Variants in EPM2A observed in about 807,000 individuals in gnomAD.
EPM2A encodes EPM2A glucan phosphatase, laforin, also known as laforin.
In EPM2A, 21 loss-of-function variants were observed where a neutral mutation model predicts 26.5. The observed-to-expected ratio is 0.79, with a 90% CI of 0.56 to 1.14. EPM2A has a LOEUF of 1.14. Among genes scored for constraint, EPM2A ranks in the 50% most tolerant of loss-of-function variants. The pLI is 0.00. For missense variants in EPM2A, 458 were observed against 440.8 expected, an observed-to-expected ratio of 1.04 and a Z score of -0.35; for synonymous variants, 217 against 177.6, an observed-to-expected ratio of 1.22 and a Z score of -1.76.
At chr6:145,708,032 T>G (rs111440089) in intron 1 of EPM2A, among the ~76,000 whole-genome samples, 10,162 of 152,224 alleles carry the variant, frequency 0.067, 1,141 homozygotes, top group African/African-American at 0.23. Flanking sequence ...GAACTTCTTG[T>G]GAACTGGAGT....
chr6:145,716,456 CT>C (rs1775627815), intron 1 of EPM2A, among the ~76,000 whole-genome samples: 1 of 152,124 alleles, frequency 6.6e-6, no homozygotes, highest in Non-Finnish European at 1.5e-5. Context: ...AGAAAGTTGT[CT>C]GATGTTTTAT....
chr6:145,436,979 A>G (rs1778997263), intron 4 of EPM2A, among the ~76,000 whole-genome samples: 1 of 152,052 alleles, frequency 6.6e-6, no homozygotes, highest in African/African-American at 2.4e-5. Flanking sequence ...GGGTGTTTTC[A>G]GCTTTTCAGA....
chr6:145,550,627 G>A (rs1276104026), intron 2 of EPM2A, among the ~76,000 whole-genome samples: 2 of 151,874 alleles, frequency 1.3e-5, no homozygotes, highest in Non-Finnish European at 2.9e-5. Context: ...TTACTTATAC[G>A]AAGATTTTCT....
At chr6:145,459,266 G>A (rs1173889004) in intron 4 of EPM2A, among the ~76,000 whole-genome samples, 1 of 152,186 alleles carries the variant, frequency 6.6e-6, no homozygotes, top group East Asian at 1.9e-4. Context: ...AGCCAAGGCT[G>A]AGGCCTAGTT....
chr6:145,437,146 C>T lies in EPM2A; in HGVS notation c.556-53049G>A, dbSNP rs527913628. ...AACTGGATCATGGGGGCATATTTCC[C>T]CCATGCTATTCTCATGATAGTGAGT... On this transcript the variant is annotated intron_variant, in intron 4 of 4. Transcript: ENST00000638717. Among the ~76,000 whole-genome samples the T allele has an allele frequency of 2.6e-5, 4 of 152,094 alleles. No homozygotes were observed. In the South Asian group the frequency reaches 8.3e-4, roughly 32 times the overall value.
intron 2 of EPM2A, among the ~76,000 whole-genome samples, chr6:145,661,374 T>A (rs1413594792): frequency 6.6e-6 from 1 of 152,248 alleles, no homozygotes; most frequent in Non-Finnish European, 1.5e-5. Flanking sequence ...AACAAAATCA[T>A]GCCTCAGCTA....
At chr6:145,444,689 A>G (rs1210482649) in intron 4 of EPM2A, among the ~76,000 whole-genome samples, 1 of 152,124 alleles carries the variant, frequency 6.6e-6, no homozygotes, top group African/African-American at 2.4e-5. Flanking sequence ...TTCCTCAATA[A>G]CAGTTTCTGT....
intron 2 of EPM2A, among the ~76,000 whole-genome samples, chr6:145,541,177 CTGTG>C (rs5880647): frequency 0.15 from 22,425 of 147,116 alleles, 1,702 homozygotes; most frequent in East Asian, 0.25. Flanking sequence ...ATATATATAT[CTGTG>C]TGTGTGTGTG....
intron 2 of EPM2A, among the ~76,000 whole-genome samples, chr6:145,505,784 T>G (rs979887757): frequency 3.3e-5 from 5 of 152,214 alleles, no homozygotes; most frequent in African/African-American, 9.7e-5. Context: ...TTAATAAAAA[T>G]TATAATGCAT....
chr6:145,447,027 G>A, intron 4 of EPM2A, among the ~76,000 whole-genome samples: 1 of 152,208 alleles, frequency 6.6e-6, no homozygotes, highest in East Asian at 1.9e-4. Context: ...TTTCTCTAGA[G>A]TATGTTAAGT....
intron 4 of EPM2A, among the ~76,000 whole-genome samples, chr6:145,428,899 G>C (rs746339227): frequency 6.6e-6 from 1 of 152,184 alleles, no homozygotes; most frequent in Non-Finnish European, 1.5e-5. Context: ...CCAGCTGCTA[G>C]TGCTGAAAAG....
chr6:145,404,896 G>A (rs974901658), intron 4 of EPM2A, among the ~76,000 whole-genome samples: 4 of 152,110 alleles, frequency 2.6e-5, no homozygotes, highest in African/African-American at 9.7e-5. Flanking sequence ...ACCTGGAAGT[G>A]TGATTTTGAA....
At chr6:145,433,334 G>T (rs530145893) in intron 4 of EPM2A, among the ~76,000 whole-genome samples, 2 of 151,956 alleles carry the variant, frequency 1.3e-5, no homozygotes, top group Non-Finnish European at 2.9e-5. Flanking sequence ...AGCTTTCACC[G>T]GGCTTAGTCT....
At chr6:145,720,645 CTT>C (rs1406439122) in intron 1 of EPM2A, among the ~76,000 whole-genome samples, 1 of 152,124 alleles carries the variant, frequency 6.6e-6, no homozygotes, top group African/African-American at 2.4e-5. Flanking sequence ...AACAGATAGA[CTT>C]TTGCTGACTC....
chr6:145,662,063 G>A (rs1778755402), intron 2 of EPM2A, among the ~76,000 whole-genome samples: 1 of 152,110 alleles, frequency 6.6e-6, no homozygotes, highest in African/African-American at 2.4e-5. Flanking sequence ...AAGGAAATGG[G>A]TTTTTGAAAA....
intron 2 of EPM2A, among the ~76,000 whole-genome samples, chr6:145,646,903 C>T (rs1388619719): frequency 6.6e-6 from 1 of 152,174 alleles, no homozygotes. Flanking sequence ...GCCACAGCCA[C>T]CCAGTCATGT....
intron 2 of EPM2A, among the ~76,000 whole-genome samples, chr6:145,516,739 C>A (rs1161848216): frequency 6.6e-6 from 1 of 152,120 alleles, no homozygotes. Flanking sequence ...TAGCTTTGAT[C>A]TGCCAGGAGT....
At chr6:145,394,516 A>T (rs4895673) in intron 4 of EPM2A, among the ~76,000 whole-genome samples, 132,419 of 152,116 alleles carry the variant, frequency 0.87, 57,834 homozygotes, top group East Asian at 1. Context: ...ATAGAGTCCA[A>T]CCTTAATGAT....
intron 4 of EPM2A, among the ~76,000 whole-genome samples, chr6:145,414,942 C>T (rs1325753369): frequency 2.6e-5 from 4 of 152,134 alleles, no homozygotes; most frequent in African/African-American, 9.7e-5. Context: ...AACCATTTTT[C>T]TTCAAAGACC....
Sources: allele counts gnomAD v4.1 joint callset (sites outside exome capture counted in the v4.1 genomes callset), GRCh38; gene constraint gnomAD v4.1.1; transcripts MANE v1.5; gene names NCBI Gene and HGNC (gene_info 2026-07-23, HGNC 2026-07-21).